Variants in NALF1 observed in about 807,000 individuals in gnomAD.
NALF1 encodes NALCN channel auxiliary factor 1, also known as family with sequence similarity 155 member A.
NALF1 carries 3 observed loss-of-function variants against 48.4 expected under a neutral mutation model. The ratio of observed to expected loss-of-function variants is 0.06; its 90% CI spans 0.03 to 0.16. NALF1 has a LOEUF of 0.16. Among genes scored for constraint, NALF1 ranks in the 10% least tolerant of loss-of-function variants. The probability of loss-of-function intolerance (pLI) is 1.00; values close to 1 mark genes in which losing one functional copy is unlikely to be tolerated. For synonymous variants in NALF1, 262 were observed against 245.7 expected (o/e 1.07, Z -0.62); for missense variants, 526 against 571.5 (o/e 0.92, Z 0.81).
intron 1 of NALF1, among the ~76,000 whole-genome samples, chr13:107,777,650 G>C (rs1172327882): frequency 6.6e-6 from 1 of 152,178 alleles, no homozygotes; most frequent in African/African-American, 2.4e-5. Flanking sequence ...ACAAGCTAAT[G>C]CTGGAGCTAT....
chr13:107,410,917 T>G (rs1237611264), intron 1 of NALF1, among the ~76,000 whole-genome samples: 1 of 152,172 alleles, frequency 6.6e-6, no homozygotes, highest in African/African-American at 2.4e-5. Context: ...AATGCCCAGT[T>G]CACGGGAGTT....
At chr13:107,275,008 G>A (rs1207959251) in intron 1 of NALF1, among the ~76,000 whole-genome samples, 11 of 152,252 alleles carry the variant, frequency 7.2e-5, no homozygotes, top group Admixed American at 5.2e-4. Flanking sequence ...GCTCTCCTGC[G>A]GAACCTGGAT....
chr13:107,608,719 G>T (rs933848775), intron 1 of NALF1, among the ~76,000 whole-genome samples: 1 of 152,202 alleles, frequency 6.6e-6, no homozygotes, highest in Admixed American at 6.5e-5. Context: ...ATATGATTGT[G>T]TTGACTCCGA....
intron 1 of NALF1, among the ~76,000 whole-genome samples, chr13:107,350,705 A>G (rs1882858093): frequency 6.6e-6 from 1 of 152,052 alleles, no homozygotes; most frequent in Admixed American, 6.6e-5. Flanking sequence ...TCCTTACTAG[A>G]GGTATTATTT....
chr13:107,274,857 A>T (rs1032363040), intron 1 of NALF1, among the ~76,000 whole-genome samples: 6 of 152,176 alleles, frequency 3.9e-5, no homozygotes, highest in Admixed American at 2.6e-4. Context: ...GAATTTGTAG[A>T]GGTCTTACCT....
In NALF1 at chr13:107,165,698, C is replaced by T. The variant is rs1364732650; in HGVS notation, c.*4799G>A. The stretch of plus-strand genomic sequence containing the variant: ...ATGAAGACATTGCTTGAAAACTATA[C>T]TTAGTTATTTTCCTTCCCCCCCACT... On this transcript the variant is annotated 3_prime_UTR_variant, in exon 3 of 3. Coordinates refer to ENST00000375915, the MANE Select transcript of NALF1 (RefSeq NM_001080396.3). 4 of 152,048 alleles carry T rather than the reference C, an allele frequency of 2.6e-5. No homozygotes were observed. Among genetic ancestry groups the T allele is most frequent in the Admixed American group, 2.6e-4 (4 of 15,248 alleles). 9.4% of individuals were successfully genotyped at this position (152,048 alleles called of 1,614,324 possible).
chr13:107,830,692 C>T (rs990340752), intron 1 of NALF1, among the ~76,000 whole-genome samples: 5 of 152,104 alleles, frequency 3.3e-5, no homozygotes, highest in Admixed American at 3.3e-4. Context: ...TCCCTCCAAA[C>T]ACTCTCTCCG....
intron 1 of NALF1, among the ~76,000 whole-genome samples, chr13:107,306,991 C>T (rs564452120): frequency 6.6e-6 from 1 of 152,202 alleles, no homozygotes; most frequent in Non-Finnish European, 1.5e-5. Context: ...AAAACAAAAA[C>T]CCCAAACACG....
intron 1 of NALF1, among the ~76,000 whole-genome samples, chr13:107,683,087 C>T (rs993091582): frequency 6.6e-6 from 1 of 151,994 alleles, no homozygotes; most frequent in Non-Finnish European, 1.5e-5. Flanking sequence ...CAAAGTGAGA[C>T]CCTGTCTCTA....
chr13:107,737,101 AAAC>A (rs1876489035), intron 1 of NALF1, among the ~76,000 whole-genome samples: 1 of 152,240 alleles, frequency 6.6e-6, no homozygotes, highest in African/African-American at 2.4e-5. Context: ...CTGAACATTA[AAAC>A]AACATTATTA....
intron 2 of NALF1, among the ~76,000 whole-genome samples, chr13:107,199,931 G>C (rs1427746158): frequency 6.6e-6 from 1 of 152,144 alleles, no homozygotes; most frequent in African/African-American, 2.4e-5. Context: ...TGCTTGTCCT[G>C]AGTGACACCT....
intron 1 of NALF1, among the ~76,000 whole-genome samples, chr13:107,787,738 T>C (rs866911937): frequency 6.6e-6 from 1 of 152,040 alleles, no homozygotes; most frequent in African/African-American, 2.4e-5. Context: ...TGCAAACTAA[T>C]ACATCTGTCT....
intron 1 of NALF1, among the ~76,000 whole-genome samples, chr13:107,400,829 C>G (rs1295407795): frequency 6.6e-6 from 1 of 152,112 alleles, no homozygotes; most frequent in African/African-American, 2.4e-5. Flanking sequence ...TTTGTAATGA[C>G]AGTTTATGCA....
chr13:107,851,763 A>C (rs528651764), intron 1 of NALF1, among the ~76,000 whole-genome samples: 1 of 150,260 alleles, frequency 6.7e-6, no homozygotes, highest in Admixed American at 6.6e-5. Context: ...GTAACAGATT[A>C]AGAGCACAAT....
At chr13:107,444,880 A>G (rs969737296) in intron 1 of NALF1, among the ~76,000 whole-genome samples, 2 of 152,148 alleles carry the variant, frequency 1.3e-5, no homozygotes, top group Admixed American at 6.5e-5. Context: ...TATTTTCCCA[A>G]TCTTACTTCA....
chr13:107,390,516 A>G (rs989285680), intron 1 of NALF1, among the ~76,000 whole-genome samples: 1 of 152,148 alleles, frequency 6.6e-6, no homozygotes, highest in East Asian at 1.9e-4. Context: ...TAGAACAGTA[A>G]CAGATAAGCA....
intron 1 of NALF1, among the ~76,000 whole-genome samples, chr13:107,484,950 T>C (rs1885304925): frequency 6.6e-6 from 1 of 152,156 alleles, no homozygotes; most frequent in Non-Finnish European, 1.5e-5. Flanking sequence ...CTTTAGGGTA[T>C]TTCCAGTGGT....
intron 1 of NALF1, among the ~76,000 whole-genome samples, chr13:107,706,872 A>G (rs1388973449): frequency 6.6e-6 from 1 of 151,664 alleles, no homozygotes; most frequent in Non-Finnish European, 1.5e-5. Context: ...TGTTGAAAAC[A>G]TATGGGGAGA....
chr13:107,816,722 T>G (rs996450597), intron 1 of NALF1, among the ~76,000 whole-genome samples: 6 of 152,138 alleles, frequency 3.9e-5, no homozygotes, highest in African/African-American at 1.4e-4. Context: ...TGACAAAGTT[T>G]GCTGAACTAT....
Sources: gnomAD v4.1 joint callset for allele counts (sites outside exome capture counted in the v4.1 genomes callset) on GRCh38, gnomAD v4.1.1 for gene constraint, MANE v1.5 for transcripts, NCBI Gene and HGNC (gene_info 2026-07-23, HGNC 2026-07-21) for gene names.